Variants in ROBO1 observed in about 807,000 individuals in gnomAD.
ROBO1 encodes roundabout guidance receptor 1.
ROBO1 carries 149 observed loss-of-function variants against 195.9 expected under a neutral mutation model. The observed-to-expected ratio is 0.76, with a 90% confidence interval of 0.67 to 0.87. The LOEUF is 0.87. ROBO1 is among the 40% of genes least tolerant of loss of function. ROBO1 has a pLI of 0.00. For synonymous variants in ROBO1, 816 were observed against 733.2 expected, an observed-to-expected ratio of 1.11 and a Z score of -1.82; for missense variants, 1,933 against 2,068.3, an observed-to-expected ratio of 0.93 and a Z score of 1.27.
intron 4 of ROBO1, among the ~76,000 whole-genome samples, chr3:78,885,926 T>C (rs1576345966): frequency 6.9e-6 from 1 of 145,456 alleles, no homozygotes; most frequent in East Asian, 2.0e-4. Context: ...TATATATATA[T>C]ATATATATAT....
chr3:79,063,561 T>C (rs1262395564), intron 3 of ROBO1, among the ~76,000 whole-genome samples: 1 of 150,476 alleles, frequency 6.6e-6, no homozygotes, highest in Non-Finnish European at 1.5e-5. Context: ...GACCTTCACA[T>C]GGTTAAATCC....
chr3:79,470,952 A>T lies in ROBO1; in HGVS notation c.88+118872T>A, dbSNP rs757175659. Among the ~76,000 whole-genome samples the T allele has an allele frequency of 3.3e-5, 5 of 152,186 alleles. No individual in the cohort carries two copies. In the South Asian group the frequency reaches 1.0e-3, roughly 31 times the overall value. On this transcript the variant is annotated intron_variant, in intron 2 of 30. Transcript: ENST00000464233. ...GATAGTTTTCTTCAAGAATTTAATG[A>T]ACAATTATAATAAAATGATATTAAT...
intron 2 of ROBO1, among the ~76,000 whole-genome samples, chr3:79,479,223 G>A (rs1211763330): frequency 2.0e-5 from 3 of 152,318 alleles, no homozygotes; most frequent in East Asian, 1.9e-4. Flanking sequence ...GGCGGATTTC[G>A]TGGAAGATGA....
intron 2 of ROBO1, among the ~76,000 whole-genome samples, chr3:79,549,263 C>T (rs1353131774): frequency 6.6e-6 from 1 of 151,996 alleles, no homozygotes. Context: ...ATCATATGGC[C>T]TTCAAGGAGC....
chr3:79,062,733 C>G (rs1424119330), intron 3 of ROBO1, among the ~76,000 whole-genome samples: 1 of 151,972 alleles, frequency 6.6e-6, no homozygotes, highest in Non-Finnish European at 1.5e-5. Context: ...ATCACAAGGA[C>G]AGAAAACAAA....
intron 3 of ROBO1, among the ~76,000 whole-genome samples, chr3:79,114,032 T>C (rs2079943880): frequency 1.3e-5 from 2 of 152,202 alleles, no homozygotes; most frequent in African/African-American, 4.8e-5. Flanking sequence ...CTAAGTCTCA[T>C]GAAATCTGAT....
chr3:79,628,280 A>G (rs537747072), intron 1 of ROBO1, among the ~76,000 whole-genome samples: 1 of 152,336 alleles, frequency 6.6e-6, no homozygotes, highest in South Asian at 2.1e-4. Flanking sequence ...AATGGTATAT[A>G]CACCATGGAA....
At chr3:79,719,219 C>G (rs1222346764) in intron 1 of ROBO1, among the ~76,000 whole-genome samples, 1 of 151,918 alleles carries the variant, frequency 6.6e-6, no homozygotes, top group Non-Finnish European at 1.5e-5. Flanking sequence ...ATTCTAATTC[C>G]TCCTAACAAG....
chr3:79,715,389 T>C (rs1702444259), intron 1 of ROBO1, among the ~76,000 whole-genome samples: 1 of 152,100 alleles, frequency 6.6e-6, no homozygotes, highest in African/African-American at 2.4e-5. Flanking sequence ...TCGGCAACCA[T>C]CACCCTGATC....
intron 2 of ROBO1, among the ~76,000 whole-genome samples, chr3:79,496,855 CATT>C (rs6147916): frequency 0.31 from 46,400 of 151,776 alleles, 7,278 homozygotes; most frequent in Non-Finnish European, 0.35. Context: ...ATATGTAAAT[CATT>C]GTTTCTAAAT....
chr3:78,677,621 T>C (rs969872889), intron 10 of ROBO1, among the ~76,000 whole-genome samples: 2 of 151,290 alleles, frequency 1.3e-5, no homozygotes, highest in Non-Finnish European at 3.0e-5. Flanking sequence ...CAAGAGGAGC[T>C]AACTATCCTA....
chr3:79,446,046 C>T (rs189880087), intron 2 of ROBO1, among the ~76,000 whole-genome samples: 6 of 152,292 alleles, frequency 3.9e-5, no homozygotes, highest in Admixed American at 1.3e-4. Context: ...AATCCCCTTG[C>T]CTCAGCCTCC....
intron 1 of ROBO1, among the ~76,000 whole-genome samples, chr3:79,754,284 C>CAG (rs1346249327): frequency 1.3e-5 from 2 of 151,994 alleles, no homozygotes; most frequent in African/African-American, 4.8e-5. Flanking sequence ...GACAGGAAAG[C>CAG]AGAGAGAGAG....
rs1239260489 is a variant in ROBO1 at position 79,627,633 on chromosome 3, A to AC, written c.-50-37673_-50-37672insG. 1.1e-4 allele frequency among the ~76,000 whole-genome samples: 4 copies of AC among 36,534 alleles called. No individual in the cohort carries two copies. The East Asian group carries it at 4.2e-3, about 38-fold the overall frequency. The allele number at this position is 36,534 out of a possible 152,430, so 24.0% of individuals were successfully genotyped here. On this transcript the variant is annotated intron_variant, in intron 1 of 30. Coordinates refer to ENST00000464233, the MANE Select transcript of ROBO1 (RefSeq NM_002941.4). ...AAAATGCCAAAAGCAAAGACAATAA[A>AC]ACCAAAATTAACAAATGGGATCTAA...
chr3:79,735,777 A>G (rs1243325764), intron 1 of ROBO1, among the ~76,000 whole-genome samples: 2 of 151,718 alleles, frequency 1.3e-5, no homozygotes, highest in Admixed American at 6.6e-5. Flanking sequence ...AGGCTGAGGC[A>G]GGAGAATTGA....
In ROBO1 at chr3:78,597,693, C is replaced by T. The variant is rs973832379; in HGVS notation, c.*1220G>A. ...GATTTTAAGGAAATCTTGTAGGTTT[C>T]GACATTGGCCACAACAAACTTAAAC... On this transcript the variant is annotated 3_prime_UTR_variant, in exon 31 of 31. Transcript: ENST00000464233. 9 of 152,212 alleles carry T rather than the reference C, an allele frequency of 5.9e-5. No homozygotes were observed. Among genetic ancestry groups the T allele is most frequent in the African/African-American group, 1.7e-4 (7 of 41,388 alleles). 9.4% of individuals were successfully genotyped at this position (152,212 alleles called of 1,614,324 possible).
intron 2 of ROBO1, among the ~76,000 whole-genome samples, chr3:79,224,285 T>C (rs534145632): frequency 8.5e-5 from 13 of 152,358 alleles, no homozygotes; most frequent in African/African-American, 3.1e-4. Flanking sequence ...AAGTTAAGAA[T>C]AGTGAAATAA....
At chr3:79,067,525 C>T (rs1366079952) in intron 3 of ROBO1, among the ~76,000 whole-genome samples, 3 of 151,960 alleles carry the variant, frequency 2.0e-5, no homozygotes, top group Admixed American at 2.0e-4. Context: ...CTTAGGGCAG[C>T]TTATTCAACT....
intron 1 of ROBO1, among the ~76,000 whole-genome samples, chr3:79,676,919 A>C (rs576109234): frequency 1.1e-3 from 169 of 152,180 alleles, no homozygotes; most frequent in African/African-American, 3.9e-3. Context: ...TGAGTATTTG[A>C]GATTGAGGGC....
Sources: gnomAD v4.1 joint callset for allele counts (sites outside exome capture counted in the v4.1 genomes callset) on GRCh38, gnomAD v4.1.1 for gene constraint, MANE v1.5 for transcripts, NCBI Gene and HGNC (gene_info 2026-07-23, HGNC 2026-07-21) for gene names.